Variants in CRIM1 observed in about 807,000 individuals in gnomAD.
CRIM1 encodes cysteine-rich motor neuron 1 protein.
CRIM1 carries 32 observed loss-of-function variants against 116.4 expected under a neutral mutation model. That is an observed-to-expected ratio of 0.27 (90% CI 0.21 to 0.37). The LOEUF (loss-of-function observed/expected upper bound fraction) is 0.37, where lower values mean the gene tolerates loss of function less well. Among genes scored for constraint, CRIM1 ranks in the 10% least tolerant of loss-of-function variants. The pLI, the probability that CRIM1 is intolerant of heterozygous loss-of-function variation, is 1.00. For synonymous variants in CRIM1, 590 were observed against 509.2 expected, an observed-to-expected ratio of 1.16 and a Z score of -2.13; for missense variants, 1,331 against 1,354.8, an observed-to-expected ratio of 0.98 and a Z score of 0.28.
At chr2:36,482,703 G>A (rs554672812) in intron 7 of CRIM1, among the ~76,000 whole-genome samples, 11 of 152,308 alleles carry the variant, frequency 7.2e-5, no homozygotes, top group Admixed American at 5.2e-4. Context: ...GCACAGTTGC[G>A]TAACCAGTGT....
At chr2:36,426,894 A>G (rs1273920333) in intron 2 of CRIM1, among the ~76,000 whole-genome samples, 1 of 152,184 alleles carries the variant, frequency 6.6e-6, no homozygotes, top group African/African-American at 2.4e-5. Flanking sequence ...TGAGAGTAGC[A>G]GTGACTTTAA....
At chr2:36,504,882 G>A (rs933649024) in intron 8 of CRIM1, among the ~76,000 whole-genome samples, 13 of 152,154 alleles carry the variant, frequency 8.5e-5, no homozygotes, top group African/African-American at 3.1e-4. Flanking sequence ...AAGTGGATTT[G>A]ATCAGATTAT....
At chr2:36,407,099 A>G (rs1672867575) in intron 2 of CRIM1, among the ~76,000 whole-genome samples, 12 of 152,156 alleles carry the variant, frequency 7.9e-5, no homozygotes, top group Admixed American at 7.9e-4. Flanking sequence ...CCCAAGTGCC[A>G]TCAAAGGTAC....
intron 1 of CRIM1, among the ~76,000 whole-genome samples, chr2:36,369,530 G>A (rs530202634): frequency 1.0e-3 from 155 of 152,198 alleles, no homozygotes; most frequent in Non-Finnish European, 1.8e-3. Context: ...CTGCATTAAC[G>A]ACAAAAAGTT....
rs964206923 is a variant in CRIM1 at position 36,523,893 on chromosome 2, C to G, written c.2428+1580C>G. On this transcript the variant is annotated intron_variant, in intron 13 of 16. Coordinates refer to ENST00000280527, the MANE Select transcript of CRIM1 (RefSeq NM_016441.3). ...AGACAGGGCCACTCTGAGTCTTTTACTCTGCGTGTTGGTATATGAGATGGA... is the reference window on the plus strand; with the variant it reads ...AGACAGGGCCACTCTGAGTCTTTTAGTCTGCGTGTTGGTATATGAGATGGA... Among the ~76,000 whole-genome samples the G allele has an allele frequency of 2.0e-5, 3 of 152,150 alleles. No individual in the cohort carries two copies. The South Asian group carries it at 6.2e-4, about 32-fold the overall frequency.
At chr2:36,439,777 G>T (rs1355455679) in intron 2 of CRIM1, among the ~76,000 whole-genome samples, 1 of 152,062 alleles carries the variant, frequency 6.6e-6, no homozygotes, top group Non-Finnish European at 1.5e-5. Context: ...CTCTGTTCTT[G>T]TTTTCCCCTC....
chr2:36,410,133 T>G (rs1264189270), intron 2 of CRIM1, among the ~76,000 whole-genome samples: 1 of 152,178 alleles, frequency 6.6e-6, no homozygotes, highest in Non-Finnish European at 1.5e-5. Context: ...GGGAAGGAAT[T>G]AACATGAATT....
chr2:36,385,956 C>G (rs1055248933), intron 1 of CRIM1, among the ~76,000 whole-genome samples: 3 of 152,172 alleles, frequency 2.0e-5, no homozygotes, highest in Non-Finnish European at 4.4e-5. Flanking sequence ...TCTGTGCTAC[C>G]TCTTCACCTA....
intron 2 of CRIM1, among the ~76,000 whole-genome samples, chr2:36,439,508 C>T (rs1675607232): frequency 6.6e-6 from 1 of 152,130 alleles, no homozygotes; most frequent in Non-Finnish European, 1.5e-5. Flanking sequence ...GCCAGGTACC[C>T]CTGCTGCTCA....
chr2:36,376,261 G>C (rs1159540291), intron 1 of CRIM1, among the ~76,000 whole-genome samples: 1 of 152,146 alleles, frequency 6.6e-6, no homozygotes, highest in African/African-American at 2.4e-5. Context: ...ATTGCCAAAA[G>C]CTTCTTAACC....
Position 36,549,841 on chromosome 2 carries a change from A to G in CRIM1, c.*1140A>G, listed in dbSNP as rs1039825931. 1.3e-5 allele frequency: 2 copies of G among 148,514 alleles called. No individual in the cohort carries two copies. Among genetic ancestry groups the G allele is most frequent in the African/African-American group, 4.9e-5 (2 of 40,734 alleles). 9.2% of individuals were successfully genotyped at this position (148,514 alleles called of 1,614,324 possible). A position where few individuals can be genotyped will look rare whatever the true frequency, so the allele number is the denominator to read the frequency against. On this transcript the variant is annotated 3_prime_UTR_variant, in exon 17 of 17. Transcript: ENST00000280527. ...GTATTTGTGTGCATGTGTATATAAT[A>G]TATATATATACATATATATTTATAC...
At chr2:36,485,909 A>G (rs1019456084) in intron 7 of CRIM1, among the ~76,000 whole-genome samples, 1 of 152,256 alleles carries the variant, frequency 6.6e-6, no homozygotes, top group Non-Finnish European at 1.5e-5. Flanking sequence ...AACTAGTTCC[A>G]TAAATGGAAA....
At chr2:36,376,656 T>TAAA (rs1204703440) in intron 1 of CRIM1, among the ~76,000 whole-genome samples, 24 of 152,234 alleles carry the variant, frequency 1.6e-4, no homozygotes, top group Admixed American at 1.6e-3. Flanking sequence ...TTCACGCTTT[T>TAAA]ACCTCTGGAG....
At chr2:36,491,573 T>TA (rs1176681540) in intron 7 of CRIM1, among the ~76,000 whole-genome samples, 1 of 152,202 alleles carries the variant, frequency 6.6e-6, no homozygotes, top group Non-Finnish European at 1.5e-5. Context: ...TACACTGACT[T>TA]TAGGTGCTTA....
In CRIM1 at chr2:36,495,241, C is replaced by A. The variant is rs148806723; in HGVS notation, c.1373-3978C>A. On this transcript the variant is annotated intron_variant, in intron 7 of 16. Coordinates refer to ENST00000280527, the MANE Select transcript of CRIM1 (RefSeq NM_016441.3). The stretch of plus-strand genomic sequence containing the variant: ...ACACACAGTTTCAGTGCCATACCCC[C>A]TGTAACATAGGAGCACAGAAATGTA... Among the ~76,000 whole-genome samples the A allele has an allele frequency of 2.3e-3, 353 of 152,226 alleles. 1 individual carries two copies. Among genetic ancestry groups the A allele is most frequent in the African/African-American group, 7.9e-3 (328 of 41,530 alleles).
At chr2:36,497,393 C>CT (rs1380556869) in intron 7 of CRIM1, among the ~76,000 whole-genome samples, 1 of 152,058 alleles carries the variant, frequency 6.6e-6, no homozygotes, top group African/African-American at 2.4e-5. Flanking sequence ...CATTGGCAGT[C>CT]TTGGGACTGA....
chr2:36,472,462 T>A (rs1191877520), intron 5 of CRIM1, among the ~76,000 whole-genome samples: 4 of 152,320 alleles, frequency 2.6e-5, no homozygotes, highest in African/African-American at 9.6e-5. Context: ...TCTCCATCTT[T>A]CTCACTTCCA....
At chr2:36,390,239 A>G (rs1006030521) in intron 1 of CRIM1, among the ~76,000 whole-genome samples, 2 of 152,246 alleles carry the variant, frequency 1.3e-5, no homozygotes, top group Non-Finnish European at 2.9e-5. Context: ...ACCTACTCAT[A>G]TTCTGCAAAA....
intron 1 of CRIM1, among the ~76,000 whole-genome samples, chr2:36,387,317 T>C (rs570314505): frequency 6.6e-6 from 1 of 152,362 alleles, no homozygotes; most frequent in Non-Finnish European, 1.5e-5. Flanking sequence ...CAAAATACTT[T>C]TTTCCTCAAC....
Sources: allele counts gnomAD v4.1 joint callset (sites outside exome capture counted in the v4.1 genomes callset), GRCh38; gene constraint gnomAD v4.1.1; transcripts MANE v1.5; gene names NCBI Gene and HGNC (gene_info 2026-07-23, HGNC 2026-07-21).